The following ARB2A variants were observed in gnomAD, a reference collection of about 807,000 sequenced individuals.
ARB2A encodes cotranscriptional regulator ARB2A.
the ARB2A span, among the ~76,000 whole-genome samples, chr5:94,029,083 C>T: frequency 1.3e-5 from 2 of 152,098 alleles, no homozygotes; most frequent in African/African-American, 2.4e-5. Context: ...TATCCGCCTC[C>T]CAGAATCAAG....
At chr5:93,787,436 T>C in the ARB2A span, among the ~76,000 whole-genome samples, 2 of 152,228 alleles carry the variant, frequency 1.3e-5, no homozygotes, top group Non-Finnish European at 2.9e-5. Flanking sequence ...GTGTATAATA[T>C]TTATTTTAAT....
At chr5:94,091,975 G>T in the ARB2A span, among the ~76,000 whole-genome samples, 3 of 152,028 alleles carry the variant, frequency 2.0e-5, no homozygotes, top group Non-Finnish European at 4.4e-5. Flanking sequence ...AAGCTTTCAT[G>T]ATTATCTCCA....
At chr5:93,988,363 T>C in the ARB2A span, among the ~76,000 whole-genome samples, 2 of 152,170 alleles carry the variant, frequency 1.3e-5, no homozygotes, top group Non-Finnish European at 2.9e-5. Flanking sequence ...CCTATACCAT[T>C]CTCATTCTCG....
At chr5:93,889,342 C>T in the ARB2A span, among the ~76,000 whole-genome samples, 1 of 151,728 alleles carries the variant, frequency 6.6e-6, no homozygotes, top group African/African-American at 2.4e-5. Context: ...AACATCATTT[C>T]ATAATCTAAA....
chr5:93,840,991 T>C, the ARB2A span, among the ~76,000 whole-genome samples: 1 of 152,162 alleles, frequency 6.6e-6, no homozygotes, highest in African/African-American at 2.4e-5. Context: ...AGGAGGCATA[T>C]AGAACTGGTA....
chr5:94,061,130 C>T, the ARB2A span, among the ~76,000 whole-genome samples: 1 of 151,982 alleles, frequency 6.6e-6, no homozygotes, highest in African/African-American at 2.4e-5. Context: ...CCCAGCTACT[C>T]AGGAGGCTGA....
the ARB2A span, among the ~76,000 whole-genome samples, chr5:93,984,980 T>C: frequency 6.6e-6 from 1 of 152,226 alleles, no homozygotes; most frequent in African/African-American, 2.4e-5. Context: ...TCCTCCTCCA[T>C]TGTATTCACC....
chr5:93,884,712 T>G, the ARB2A span, among the ~76,000 whole-genome samples: 1 of 151,604 alleles, frequency 6.6e-6, no homozygotes, highest in African/African-American at 2.4e-5. Context: ...AGAGTGGATT[T>G]TAATAAATAT....
At chr5:93,765,473 G>C in the ARB2A span, among the ~76,000 whole-genome samples, 4 of 152,106 alleles carry the variant, frequency 2.6e-5, no homozygotes, top group African/African-American at 7.2e-5. Flanking sequence ...AAATACCTAG[G>C]AATCCAACTT....
chr5:93,922,859 T>C, the ARB2A span, among the ~76,000 whole-genome samples: 1 of 152,150 alleles, frequency 6.6e-6, no homozygotes, highest in Non-Finnish European at 1.5e-5. Flanking sequence ...TTTTATGACA[T>C]GGATCCTTCA....
the ARB2A span, among the ~76,000 whole-genome samples, chr5:94,032,443 G>A: frequency 1.3e-5 from 2 of 152,132 alleles, no homozygotes; most frequent in Admixed American, 1.3e-4. Context: ...TTGCAAAATA[G>A]ACACCACGGG....
At chr5:93,892,585 TG>T in the ARB2A span, among the ~76,000 whole-genome samples, 33 of 150,888 alleles carry the variant, frequency 2.2e-4, no homozygotes, top group South Asian at 5.0e-3. Context: ...ATACTACCTC[TG>T]GGGGGGGGAA....
At chr5:93,992,945 C>T in the ARB2A span, among the ~76,000 whole-genome samples, 5 of 151,808 alleles carry the variant, frequency 3.3e-5, no homozygotes, top group African/African-American at 1.2e-4. Flanking sequence ...AAAGACCTAA[C>T]AGGAAAAAAA....
chr5:93,641,065 T>C, the ARB2A span, among the ~76,000 whole-genome samples: 2 of 151,712 alleles, frequency 1.3e-5, no homozygotes, highest in African/African-American at 4.9e-5. Context: ...CCAGGCATGG[T>C]GGTGTGTGCC....
chr5:93,694,201 A>G, the ARB2A span, among the ~76,000 whole-genome samples: 2 of 152,196 alleles, frequency 1.3e-5, no homozygotes. Context: ...AGATCAGGCA[A>G]GAGAAAGAAA....
the ARB2A span, among the ~76,000 whole-genome samples, chr5:93,996,636 T>A: frequency 4.6e-5 from 7 of 152,124 alleles, no homozygotes; most frequent in Non-Finnish European, 1.0e-4. Context: ...TGTTACATAC[T>A]ACCTTAAGTC....
chr5:93,837,195 T>C, the ARB2A span, among the ~76,000 whole-genome samples: 3 of 152,196 alleles, frequency 2.0e-5, no homozygotes, highest in African/African-American at 7.2e-5. Flanking sequence ...CTCTCACTTA[T>C]AGGTGAGAAC....
At chr5:93,718,587 T>C in the ARB2A span, among the ~76,000 whole-genome samples, 3 of 152,190 alleles carry the variant, frequency 2.0e-5, no homozygotes, top group Non-Finnish European at 4.4e-5. Context: ...TGCAACTACA[T>C]TAACAGTCAT....
chr5:93,836,455 A>G, the ARB2A span, among the ~76,000 whole-genome samples: 1 of 152,208 alleles, frequency 6.6e-6, no homozygotes, highest in East Asian at 1.9e-4. Flanking sequence ...AAAGCTTTAA[A>G]CTTTTGGATG....
Sources: allele counts gnomAD v4.1 joint callset (sites outside exome capture counted in the v4.1 genomes callset), GRCh38; gene constraint gnomAD v4.1.1; transcripts MANE v1.5; gene names NCBI Gene and HGNC (gene_info 2026-07-23, HGNC 2026-07-21).